Variants in NELL1 observed in about 807,000 individuals in gnomAD.
NELL1 encodes neural EGFL like 1, also known as protein kinase C-binding protein NELL1.
A neutral mutation model predicts 107.4 loss-of-function variants in NELL1; 76 were observed. That is an observed-to-expected ratio of 0.71 (90% confidence interval 0.59 to 0.86). The LOEUF is 0.86. NELL1 is among the 40% of genes least tolerant of loss of function. The probability of loss-of-function intolerance (pLI) is 0.00; values close to 1 mark genes in which losing one functional copy is unlikely to be tolerated. For missense variants in NELL1, 1,024 were observed against 1,005.5 expected, an observed-to-expected ratio of 1.02 and a Z score of -0.25; for synonymous variants, 353 against 341.2, an observed-to-expected ratio of 1.03 and a Z score of -0.38.
chr11:21,401,406 A>G (rs931745618), intron 15 of NELL1, among the ~76,000 whole-genome samples: 1 of 151,888 alleles, frequency 6.6e-6, no homozygotes, highest in African/African-American at 2.4e-5. Flanking sequence ...AAATTCTTAA[A>G]TGAAAATCGC....
intron 13 of NELL1, among the ~76,000 whole-genome samples, chr11:21,119,517 G>A (rs1358671442): frequency 6.6e-6 from 1 of 152,058 alleles, no homozygotes; most frequent in Non-Finnish European, 1.5e-5. Context: ...GGGTTTCCCT[G>A]ACATGAGTAT....
chr11:21,322,112 A>G (rs564217172), intron 14 of NELL1, among the ~76,000 whole-genome samples: 18 of 152,160 alleles, frequency 1.2e-4, no homozygotes, highest in Non-Finnish European at 1.9e-4. Context: ...CCTAAAGTCT[A>G]AGACAACTCT....
chr11:21,564,908 C>G (rs113516242), intron 17 of NELL1, among the ~76,000 whole-genome samples: 1,675 of 151,948 alleles, frequency 0.011, 29 homozygotes, highest in African/African-American at 0.039. Flanking sequence ...GTCATGCCAG[C>G]GACACTCTCA....
At chr11:21,135,228 A>T (rs1855719357) in intron 13 of NELL1, among the ~76,000 whole-genome samples, 1 of 152,202 alleles carries the variant, frequency 6.6e-6, no homozygotes, top group Admixed American at 6.5e-5. Flanking sequence ...AGCTTTTATG[A>T]CAGCATCCAT....
chr11:20,858,947 G>C (rs1848929742), intron 4 of NELL1, among the ~76,000 whole-genome samples: 1 of 152,198 alleles, frequency 6.6e-6, no homozygotes, highest in Admixed American at 6.5e-5. Context: ...CCATTGCCCA[G>C]GGCAGAAGGC....
chr11:21,537,992 G>A (rs78498373), intron 16 of NELL1, among the ~76,000 whole-genome samples: 3,306 of 152,208 alleles, frequency 0.022, 69 homozygotes, highest in East Asian at 0.078. Context: ...ATGACCTGAC[G>A]TACTCTGGAT....
intron 15 of NELL1, among the ~76,000 whole-genome samples, chr11:21,492,751 G>T (rs1420592825): frequency 2.6e-5 from 3 of 115,350 alleles, no homozygotes; most frequent in African/African-American, 9.8e-5. Flanking sequence ...GTTGTGGGGT[G>T]GGGGGAGGGG....
At chr11:21,325,490 G>T (rs1435336528) in intron 14 of NELL1, among the ~76,000 whole-genome samples, 1 of 152,004 alleles carries the variant, frequency 6.6e-6, no homozygotes, top group African/African-American at 2.4e-5. Context: ...CTAAATTTGT[G>T]TGCCTATTTT....
At chr11:21,297,316 A>AGAGCACACCTATGGTACTTCAT (rs1849396067) in intron 14 of NELL1, among the ~76,000 whole-genome samples, 1 of 152,092 alleles carries the variant, frequency 6.6e-6, no homozygotes, top group Non-Finnish European at 1.5e-5. Context: ...GGCTGGTACT[A>AGAGCACACCTATGGTACTTCAT]GAGCACACCT....
chr11:20,805,782 G>A (rs904664562), intron 3 of NELL1, among the ~76,000 whole-genome samples: 9 of 152,306 alleles, frequency 5.9e-5, no homozygotes, highest in East Asian at 1.9e-4. Flanking sequence ...GATTACAGGC[G>A]TGAGCCACCG....
At chr11:21,281,523 A>T (rs144660202) in intron 14 of NELL1, among the ~76,000 whole-genome samples, 1 of 152,144 alleles carries the variant, frequency 6.6e-6, no homozygotes, top group East Asian at 1.9e-4. Context: ...TGGCTTCACT[A>T]TCCACAGATT....
intron 9 of NELL1, among the ~76,000 whole-genome samples, chr11:20,933,847 G>C (rs1047911091): frequency 6.6e-6 from 1 of 152,182 alleles, no homozygotes; most frequent in Non-Finnish European, 1.5e-5. Flanking sequence ...GGTGCAAAAA[G>C]ATACAGCTGC....
chr11:21,568,705 A>G (rs1857028344), intron 17 of NELL1, among the ~76,000 whole-genome samples: 1 of 151,682 alleles, frequency 6.6e-6, no homozygotes, highest in Non-Finnish European at 1.5e-5. Flanking sequence ...CAGGGTCAGG[A>G]TTATCAATAT....
chr11:21,494,822 T>C, intron 15 of NELL1, among the ~76,000 whole-genome samples: 1 of 152,182 alleles, frequency 6.6e-6, no homozygotes, highest in East Asian at 1.9e-4. Flanking sequence ...TTGTTTTCAT[T>C]GAAAAAAACA....
chr11:21,216,166 T>G (rs1256300972), intron 13 of NELL1, among the ~76,000 whole-genome samples: 1 of 152,096 alleles, frequency 6.6e-6, no homozygotes. Context: ...ACAGCTTCCA[T>G]GTAGTGTTAA....
At chr11:21,069,125 G>C (rs527734595) in intron 12 of NELL1, among the ~76,000 whole-genome samples, 1 of 152,096 alleles carries the variant, frequency 6.6e-6, no homozygotes, top group Non-Finnish European at 1.5e-5. Context: ...CATTTGGCAC[G>C]AACAGAAGGC....
intron 2 of NELL1, among the ~76,000 whole-genome samples, chr11:20,693,426 G>A (rs147098993): frequency 0.21 from 31,616 of 151,916 alleles, 3,600 homozygotes; most frequent in African/African-American, 0.27. Flanking sequence ...AGCTGGTACC[G>A]GTTGTGCCTT....
At chr11:21,145,736 C>A (rs1456375968) in intron 13 of NELL1, among the ~76,000 whole-genome samples, 1 of 152,148 alleles carries the variant, frequency 6.6e-6, no homozygotes, top group Non-Finnish European at 1.5e-5. Context: ...GTGAAACCTG[C>A]CCTCTGTTAA....
intron 10 of NELL1, among the ~76,000 whole-genome samples, chr11:20,938,967 T>C (rs1850790506): frequency 6.6e-6 from 1 of 151,114 alleles, no homozygotes; most frequent in Non-Finnish European, 1.5e-5. Flanking sequence ...TGTGTGTGCA[T>C]GCACGTGTGT....
Sources: gnomAD v4.1 joint callset for allele counts (sites outside exome capture counted in the v4.1 genomes callset) on GRCh38, gnomAD v4.1.1 for gene constraint, MANE v1.5 for transcripts, NCBI Gene and HGNC (gene_info 2026-07-23, HGNC 2026-07-21) for gene names.